PARVG: variants seen among roughly 807,000 people sequenced by gnomAD.
PARVG encodes parvin gamma.
In PARVG, 36 loss-of-function variants were observed where a neutral mutation model predicts 44.4. The ratio of observed to expected loss-of-function variants is 0.81; its 90% CI spans 0.62 to 1.07. PARVG has a LOEUF of 1.07. Ranked by LOEUF, PARVG falls within the 50% of genes least tolerant of loss-of-function variation. PARVG has a pLI of 0.00. For missense variants in PARVG, 407 were observed against 407.4 expected (o/e 1.00, Z 0.01); for synonymous variants, 170 against 174.1 (o/e 0.98, Z 0.19).
At chr22:44,189,066 C>T (rs779631122) in intron 5 of PARVG, 48 bp from the exon 6 acceptor site, 2 of 1,611,784 alleles carry the variant, frequency 1.2e-6, no homozygotes, top group East Asian at 2.2e-5. Flanking sequence ...GAGGTGCTCT[C>T]TGGTCTGTCC....
intron 1 of PARVG, among the ~76,000 whole-genome samples, chr22:44,173,402 C>A (rs1222880609): frequency 2.0e-5 from 3 of 152,162 alleles, no homozygotes; most frequent in African/African-American, 7.2e-5. Flanking sequence ...TGGTGGCCTG[C>A]CCTCCGTGCT....
chr22:44,200,018 G>A (rs1351175428), intron 12 of PARVG, among the ~76,000 whole-genome samples: 1 of 152,274 alleles, frequency 6.6e-6, no homozygotes, highest in Non-Finnish European at 1.5e-5. Flanking sequence ...GAGGGCAGGT[G>A]AGCCTGCAAA....
At chr22:44,189,312 G>C in intron 6 of PARVG, 58 bp downstream of exon 6, 3 of 1,584,982 alleles carry the variant, frequency 1.9e-6, no homozygotes, top group South Asian at 2.3e-5. Context: ...GGGTCCTTCT[G>C]CTTCAGGCTT....
chr22:44,202,884 G>A (rs575112301), intron 12 of PARVG, among the ~76,000 whole-genome samples: 9 of 152,284 alleles, frequency 5.9e-5, no homozygotes, highest in South Asian at 2.1e-4. Flanking sequence ...TAAAATCCCC[G>A]GAGCCAGGAA....
chr22:44,205,714 G>A (rs1601751802), intron 12 of PARVG, 43 bp from the exon 13 acceptor site: 1 of 1,610,428 alleles, frequency 6.2e-7, no homozygotes, highest in Non-Finnish European at 8.5e-7. Flanking sequence ...CTGGCCTGGG[G>A]CTGCTGCTTG....
At chr22:44,187,194 C>T (rs1017252406) in intron 4 of PARVG, 3 of 170,620 alleles carry the variant, frequency 1.8e-5, no homozygotes, top group South Asian at 1.4e-4. Context: ...ACCAAGGGGT[C>T]GGCAGGCTTG....
chr22:44,193,762 T>G, intron 8 of PARVG, 39 bp from the exon 9 acceptor site: 1 of 1,608,528 alleles, frequency 6.2e-7, no homozygotes. Context: ...GGGTGTTTTT[T>G]TTTTAACCAT....
At chr22:44,191,184 C>A (rs2054543162) in intron 7 of PARVG, among the ~76,000 whole-genome samples, 1 of 152,072 alleles carries the variant, frequency 6.6e-6, no homozygotes, top group South Asian at 2.1e-4. Flanking sequence ...GCGGTTAATA[C>A]CCAGGAATCC....
At chr22:44,179,035 G>A (rs188527278), upstream of PARVG, among the ~76,000 whole-genome samples, 3 of 151,616 alleles carry the variant, frequency 2.0e-5, no homozygotes, top group Admixed American at 6.6e-5. The surrounding 1 kb of genome is among the most constrained non-coding windows in gnomAD (Gnocchi z 4.2). Context: ...AAAAATACAC[G>A]TAACATAAAA....
chr22:44,205,976 C>G, intron 13 of PARVG, 147 bp downstream of exon 13: 2 of 1,019,460 alleles, frequency 2.0e-6, no homozygotes, highest in Non-Finnish European at 2.9e-6. Context: ...GGGCGCTTGC[C>G]AAGGTTTCTT....
chr22:44,188,564 G>A lies in PARVG; in HGVS notation c.248-550G>A, dbSNP rs529417596. 301 of 162,500 alleles carry A rather than the reference G, an allele frequency of 1.9e-3. 1 individual carries two copies. Among genetic ancestry groups the A allele is most frequent in the Middle Eastern group, 3.1e-3 (1 of 320 alleles). 10.1% of individuals were successfully genotyped at this position (162,500 alleles called of 1,614,324 possible). On this transcript the variant is annotated intron_variant, in intron 5 of 13. Transcript: ENST00000444313. ...ATGGGCTGCACAATCCCACTCATGCGGCTAGCACTTCCGGGCATGTCCCAT... is the reference window on the plus strand; with the variant it reads ...ATGGGCTGCACAATCCCACTCATGCAGCTAGCACTTCCGGGCATGTCCCAT...
intron 5 of PARVG, chr22:44,188,848 C>A: frequency 2.0e-6 from 1 of 502,830 alleles, no homozygotes; most frequent in Non-Finnish European, 3.6e-6. Context: ...TGGGCTCTCT[C>A]AACCAGCTCA....
At chr22:44,185,580 A>G (rs2054452873) in intron 3 of PARVG, 1 of 458,818 alleles carries the variant, frequency 2.2e-6, no homozygotes. Context: ...TTTGAATGTC[A>G]AGTAATCAAG....
chr22:44,178,515 T>A (rs980573985), upstream of PARVG, among the ~76,000 whole-genome samples: 8 of 152,108 alleles, frequency 5.3e-5, no homozygotes, highest in Non-Finnish European at 7.4e-5. Flanking sequence ...GCAACAAAAT[T>A]CAGCACGCGA....
intron 11 of PARVG, among the ~76,000 whole-genome samples, chr22:44,197,404 G>A (rs1569185444): frequency 6.6e-6 from 1 of 152,220 alleles, no homozygotes; most frequent in African/African-American, 2.4e-5. Context: ...TTAAGGCACA[G>A]AGAGGTTAAT....
chr22:44,190,604 A>G lies in PARVG; in HGVS notation c.442A>G (p.Lys148Glu), dbSNP rs201817312. 8.1e-5 allele frequency: 130 copies of G among 1,614,122 alleles called. No individual in the cohort carries two copies. The Admixed American group carries it at 1.1e-3, about 13-fold the overall frequency. ...CCTGCACCTCCTTGTGGCCCTGGCC[A>G]AGCGCTTCCAGCCCGACCTCTCCCT... ...STLHLLVALA[K>E]RFQPDLSLPT... Residue 148 changes from lysine (K) to glutamate (E), a missense_variant, in exon 7 of 14, where the codon AAG (lysine) becomes GAG (glutamate). Coordinates refer to ENST00000444313, the MANE Select transcript of PARVG (RefSeq NM_022141.7).
intron 12 of PARVG, among the ~76,000 whole-genome samples, chr22:44,203,901 G>A (rs139174): frequency 0.47 from 70,979 of 152,020 alleles, 16,514 homozygotes; most frequent in Middle Eastern, 0.49. Flanking sequence ...ATGGAGTGCA[G>A]TGGTGCAATC....
chr22:44,196,432 G>T lies in PARVG; in HGVS notation c.711+17G>T. 1 of 1,613,852 alleles carries T rather than the reference G, an allele frequency of 6.2e-7. No individual in the cohort carries two copies. The highest frequency in any genetic ancestry group is 8.5e-7 in the Non-Finnish European group (1 of 1,179,932). ...GACACCCAGGTAGGGACTGAGCTGC[G>T]GCGTCCCCAGGCAGGGCAGGGCCAC... On this transcript the variant is annotated intron_variant, in intron 11 of 13. Transcript: ENST00000444313.
At chr22:44,198,542 G>T in intron 11 of PARVG, 79 bp from the exon 12 acceptor site, 1 of 1,078,280 alleles carries the variant, frequency 9.3e-7, no homozygotes. Flanking sequence ...ACTTCCTTAG[G>T]GCCACACAGC....
Sources: allele counts gnomAD v4.1 joint callset (sites outside exome capture counted in the v4.1 genomes callset), GRCh38; gene constraint gnomAD v4.1.1; non-coding constraint Gnocchi (gnomAD v3.1); transcripts MANE v1.5; gene names NCBI Gene and HGNC (gene_info 2026-07-23, HGNC 2026-07-21).